The following PHEX variants were observed in gnomAD, a reference collection of about 807,000 sequenced individuals.
The protein encoded by PHEX is phosphate-regulating neutral endopeptidase PHEX.
In PHEX, 16 loss-of-function variants were observed where a neutral mutation model predicts 68.0. The ratio of observed to expected loss-of-function variants is 0.24; its 90% CI spans 0.16 to 0.36. PHEX has a LOEUF of 0.36. Ranked by LOEUF, PHEX falls within the 10% of genes least tolerant of loss-of-function variation. PHEX has a pLI of 1.00. For missense variants in PHEX, 480 were observed against 575.5 expected (o/e 0.83, Z 1.70); for synonymous variants, 208 against 205.1 (o/e 1.01, Z -0.12).
chrX:22,172,745 C>T (rs929712599), intron 13 of PHEX: 1 of 111,081 alleles, frequency 9.0e-6, no homozygotes, highest in African/African-American at 3.3e-5. Context: ...CATTACGGAA[C>T]AGAGTGAAAG....
chrX:22,192,681 T>C, intron 15 of PHEX, among the ~76,000 whole-genome samples: 1 of 111,776 alleles, frequency 8.9e-6, no homozygotes, highest in Non-Finnish European at 1.9e-5. Flanking sequence ...GTGACCTGCC[T>C]GGTTTATGCT....
intron 1 of PHEX, among the ~76,000 whole-genome samples, chrX:22,034,393 C>T (rs745610780): frequency 8.9e-6 from 1 of 112,412 alleles, no homozygotes; most frequent in Admixed American, 9.5e-5. Flanking sequence ...CTGCACGAAA[C>T]TTTTACAAAA....
intron 3 of PHEX, among the ~76,000 whole-genome samples, chrX:22,061,975 A>G (rs1928386792): frequency 9.0e-6 from 1 of 111,613 alleles, no homozygotes; most frequent in African/African-American, 3.3e-5. Flanking sequence ...GGAAGGAGGC[A>G]TGTCTTACAT....
intron 3 of PHEX, among the ~76,000 whole-genome samples, chrX:22,063,092 G>A (rs1038868420): frequency 9.0e-6 from 1 of 110,806 alleles, no homozygotes; most frequent in Non-Finnish European, 1.9e-5. Context: ...CCTCCCTCCC[G>A]ACCAGGCAGT....
chrX:22,037,173 A>G lies in PHEX; in HGVS notation c.119-1296A>G, dbSNP rs1334388771. On this transcript the variant is annotated intron_variant, in intron 1 of 21. Coordinates refer to ENST00000379374, the MANE Select transcript of PHEX (RefSeq NM_000444.6). ...TGAATCTCTAATGTAACACAATGCA[A>G]TGCAAAGAGGCTGTTTGGAGGATGG... is the stretch of plus-strand genomic sequence containing the variant. 1.1e-4 allele frequency among the ~76,000 whole-genome samples: 12 copies of G among 110,863 alleles called. No individual in the cohort carries two copies. In the East Asian group the frequency reaches 3.4e-3, roughly 31 times the overall value.
intron 14 of PHEX, among the ~76,000 whole-genome samples, chrX:22,181,639 G>T (rs910959715): frequency 9.0e-6 from 1 of 111,521 alleles, no homozygotes; most frequent in Non-Finnish European, 1.9e-5. Flanking sequence ...TTTTGATGGG[G>T]ATTACAGTGA....
intron 3 of PHEX, among the ~76,000 whole-genome samples, chrX:22,071,791 G>A (rs188576290): frequency 8.0e-5 from 9 of 112,770 alleles, no homozygotes; most frequent in Non-Finnish European, 1.1e-4. Flanking sequence ...AAACAATAAA[G>A]ATTTTAGAAG....
intron 15 of PHEX, among the ~76,000 whole-genome samples, chrX:22,195,467 C>T (rs186064488): frequency 1.6e-4 from 18 of 109,831 alleles, no homozygotes; most frequent in African/African-American, 6.0e-4. Flanking sequence ...TGGTGGCAGG[C>T]GCCTGTAATC....
intron 11 of PHEX, among the ~76,000 whole-genome samples, chrX:22,120,510 T>C (rs987594318): frequency 1.8e-5 from 2 of 112,307 alleles, no homozygotes; most frequent in Non-Finnish European, 3.8e-5. Flanking sequence ...GGAATAGGTT[T>C]GGCTTCCAGT....
At chrX:22,137,256 C>A (rs780686929) in intron 12 of PHEX, among the ~76,000 whole-genome samples, 1 of 111,357 alleles carries the variant, frequency 9.0e-6, no homozygotes, top group South Asian at 3.8e-4. Flanking sequence ...AAAGCTGGAT[C>A]CCTTCGGAAT....
At chrX:22,115,257 G>A (rs774961058) in intron 11 of PHEX, among the ~76,000 whole-genome samples, 35 of 112,078 alleles carry the variant, frequency 3.1e-4, no homozygotes, top group Admixed American at 2.8e-3. Flanking sequence ...CTTGAACCCC[G>A]GAGGCGGAGG....
intron 1 of PHEX, among the ~76,000 whole-genome samples, chrX:22,033,689 G>C (rs1926897075): frequency 8.9e-6 from 1 of 111,818 alleles, no homozygotes; most frequent in African/African-American, 3.3e-5. Flanking sequence ...GAAAACAGAG[G>C]TTTTCCCCCA....
chrX:22,054,348 T>C (rs1174586206), intron 3 of PHEX, among the ~76,000 whole-genome samples: 1 of 111,520 alleles, frequency 9.0e-6, no homozygotes, highest in Non-Finnish European at 1.9e-5. Context: ...TCGGCCAGGC[T>C]GGTCTTGAAC....
At chrX:22,192,456 C>T (rs1934229035) in intron 15 of PHEX, among the ~76,000 whole-genome samples, 1 of 111,514 alleles carries the variant, frequency 9.0e-6, no homozygotes, top group Non-Finnish European at 1.9e-5. Flanking sequence ...AAGCTTTTAT[C>T]AGCATCCCAT....
intron 2 of PHEX, among the ~76,000 whole-genome samples, chrX:22,045,050 T>G (rs1362309910): frequency 1.8e-5 from 2 of 108,475 alleles, no homozygotes; most frequent in African/African-American, 6.7e-5. Context: ...TGTGTGTTGT[T>G]GGGGGAGGTT....
chrX:22,138,422 G>T (rs1002701157), intron 12 of PHEX, among the ~76,000 whole-genome samples: 1 of 112,513 alleles, frequency 8.9e-6, no homozygotes, highest in African/African-American at 3.2e-5. Context: ...CATGGATGCA[G>T]GGCAGACCAG....
At chrX:22,122,209 T>C (rs887969048) in intron 11 of PHEX, among the ~76,000 whole-genome samples, 12 of 111,225 alleles carry the variant, frequency 1.1e-4, no homozygotes, top group Non-Finnish European at 2.3e-4. Context: ...CTCACAAAGG[T>C]TGTTCTCAGT....
At chrX:22,126,098 A>G (rs1423004334) in intron 11 of PHEX, among the ~76,000 whole-genome samples, 1 of 112,192 alleles carries the variant, frequency 8.9e-6, no homozygotes, top group Non-Finnish European at 1.9e-5. Flanking sequence ...GGACTCGTGA[A>G]AAATCATATC....
At chrX:22,131,936 T>C (rs1275274857) in intron 11 of PHEX, among the ~76,000 whole-genome samples, 3 of 111,291 alleles carry the variant, frequency 2.7e-5, no homozygotes, top group Non-Finnish European at 3.8e-5. Context: ...GACGTGTCAG[T>C]AGCCCCTTTC....
Sources: allele counts gnomAD v4.1 joint callset (sites outside exome capture counted in the v4.1 genomes callset), GRCh38; gene constraint gnomAD v4.1.1; transcripts MANE v1.5; gene names NCBI Gene and HGNC (gene_info 2026-07-23, HGNC 2026-07-21).